MTR: variants seen among roughly 807,000 people sequenced by gnomAD.
The protein encoded by MTR is methionine synthase.
Under a neutral mutation model 154.8 loss-of-function variants are expected in MTR, and 84 were observed. The ratio of observed to expected loss-of-function variants is 0.54; its 90% CI spans 0.45 to 0.65. The LOEUF (loss-of-function observed/expected upper bound fraction) is 0.65, where lower values mean the gene tolerates loss of function less well. Ranked by LOEUF, MTR falls within the 30% of genes least tolerant of loss-of-function variation. MTR has a pLI of 0.00. For synonymous variants in MTR, 554 were observed against 553.9 expected, an observed-to-expected ratio of 1.00 and a Z score of 0.00; for missense variants, 1,275 against 1,570.2, an observed-to-expected ratio of 0.81 and a Z score of 3.18.
intron 27 of MTR, 74 bp downstream of exon 27, chr1:236,886,441 C>T: frequency 1.4e-6 from 2 of 1,420,536 alleles, no homozygotes; most frequent in Non-Finnish European, 2.0e-6. Flanking sequence ...CATGCATTTA[C>T]TTGGCTGCAA....
chr1:236,803,304 G>A, intron 1 of MTR, 124 bp from the exon 2 acceptor site: 1 of 955,280 alleles, frequency 1.0e-6, no homozygotes, highest in South Asian at 1.4e-5. Context: ...AGAGTTATGA[G>A]TGCATCTTTT....
Position 236,795,383 on chromosome 1 carries a change from C to G in MTR, c.-321C>G, listed in dbSNP as rs187186973. 4.3e-4 allele frequency: 607 copies of G among 1,403,430 alleles called. 5 individuals are homozygous for G. In the East Asian group the frequency reaches 0.014, roughly 33 times the overall value. The allele number at this position is 1,403,430 out of a possible 1,614,324, so 86.9% of individuals were successfully genotyped here. On this transcript the variant is annotated 5_prime_UTR_variant, in exon 1 of 33. Coordinates refer to ENST00000366577, the MANE Select transcript of MTR (RefSeq NM_000254.3). ...TCCTCTGCCGGTTTTCTCTTGGGTC[C>G]TTTTCCGTGCCGTCCCGCGACTCCG...
At chr1:236,803,282 G>A (rs1191546637) in intron 1 of MTR, 146 bp from the exon 2 acceptor site, 19 of 811,104 alleles carry the variant, frequency 2.3e-5, no homozygotes, top group East Asian at 5.3e-5. Flanking sequence ...TTTGGGCAGC[G>A]TTTTCCTATA....
intron 18 of MTR, among the ~76,000 whole-genome samples, chr1:236,858,675 A>G (rs566938938): frequency 4.6e-5 from 7 of 152,312 alleles, no homozygotes; most frequent in Non-Finnish European, 7.4e-5. Flanking sequence ...TGAAAATGGA[A>G]GCAGGGTGGA....
intron 15 of MTR, among the ~76,000 whole-genome samples, chr1:236,843,124 C>A (rs888588347): frequency 2.0e-5 from 3 of 150,478 alleles, no homozygotes. Context: ...TATATACACA[C>A]GTTGAATGGT....
At chr1:236,813,096 A>G (rs888742059) in intron 6 of MTR, among the ~76,000 whole-genome samples, 13 of 152,226 alleles carry the variant, frequency 8.5e-5, no homozygotes, top group African/African-American at 3.1e-4. Flanking sequence ...GTATAAATGC[A>G]TATATCCTGA....
intron 15 of MTR, among the ~76,000 whole-genome samples, chr1:236,839,318 A>G (rs777586541): frequency 3.3e-5 from 5 of 152,228 alleles, no homozygotes; most frequent in Non-Finnish European, 5.9e-5. Context: ...AAGAGTTTAT[A>G]TAAGTCAGAA....
intron 18 of MTR, among the ~76,000 whole-genome samples, chr1:236,858,055 G>A (rs1372525352): frequency 6.6e-6 from 1 of 152,204 alleles, no homozygotes; most frequent in Non-Finnish European, 1.5e-5. Context: ...ATAAGGAACA[G>A]AAGTGTTCTG....
chr1:236,827,192 A>G (rs1323648020), intron 11 of MTR, among the ~76,000 whole-genome samples: 12 of 152,222 alleles, frequency 7.9e-5, no homozygotes, highest in Admixed American at 7.2e-4. Context: ...AGGGAAGAAT[A>G]GCTATCTACA....
chr1:236,870,751 T>C (rs1665082155), intron 22 of MTR, among the ~76,000 whole-genome samples: 1 of 152,172 alleles, frequency 6.6e-6, no homozygotes, highest in Non-Finnish European at 1.5e-5. Context: ...TCTAAAGAAA[T>C]CTCAAATTTA....
chr1:236,901,464 C>T lies in MTR; in HGVS notation c.*3820C>T, dbSNP rs978735718. Reference sequence around the variant, plus strand: ...TTTAAAAACAATTATTTTAACCCAACTTCCAGGGAGACTGAATTTCTTCTG... The same window carrying T: ...TTTAAAAACAATTATTTTAACCCAATTTCCAGGGAGACTGAATTTCTTCTG... On this transcript the variant is annotated 3_prime_UTR_variant, in exon 33 of 33. Transcript: ENST00000366577. 3 of 146,588 alleles carry T rather than the reference C, an allele frequency of 2.0e-5. No individual in the cohort carries two copies. The highest frequency in any genetic ancestry group is 4.4e-5 in the Non-Finnish European group (3 of 68,022). 9.1% of individuals were successfully genotyped at this position (146,588 alleles called of 1,614,324 possible). A position where few individuals can be genotyped will look rare whatever the true frequency, so the allele number is the denominator to read the frequency against.
intron 27 of MTR, among the ~76,000 whole-genome samples, chr1:236,888,671 T>C (rs1489484614): frequency 6.6e-6 from 1 of 152,246 alleles, no homozygotes; most frequent in Non-Finnish European, 1.5e-5. Flanking sequence ...AAGTCCCACA[T>C]GTGTCCCTTC....
rs1190249714 is a variant in MTR at position 236,902,601 on chromosome 1, A to C, written c.*4957A>C. The C allele has an allele frequency of 1.3e-5, 2 of 152,132 alleles. No homozygotes were observed. The highest frequency in any genetic ancestry group is 2.9e-5 in the Non-Finnish European group (2 of 68,060). 9.4% of individuals were successfully genotyped at this position (152,132 alleles called of 1,614,324 possible). On this transcript the variant is annotated 3_prime_UTR_variant, in exon 33 of 33. Coordinates refer to ENST00000366577, the MANE Select transcript of MTR (RefSeq NM_000254.3). ...AGGGCAGGGGCCCTGCCTCTTCCTG[A>C]GCTCAGGATACCCAGAGCCTAGCTC...
chr1:236,831,681 C>T (rs1023678244), intron 12 of MTR, among the ~76,000 whole-genome samples: 1 of 152,106 alleles, frequency 6.6e-6, no homozygotes, highest in African/African-American at 2.4e-5. Flanking sequence ...CCTTTTTTCT[C>T]AGAGATGGTA....
rs142800533 is a variant in MTR, at chr1:236,891,427, C to T, written c.3204+98C>T. ...CATAAATGAGGGTCTGCTTCACCTC[C>T]TCCCAAATGACCAATCACATGCCCA... On this transcript the variant is annotated intron_variant, in intron 29 of 32. Coordinates refer to ENST00000366577, the MANE Select transcript of MTR (RefSeq NM_000254.3). 5.1e-4 allele frequency: 629 copies of T among 1,223,338 alleles called. 4 individuals are homozygous for T. The African/African-American group carries it at 7.6e-3, about 15-fold the overall frequency. The allele number at this position is 1,223,338 out of a possible 1,614,324, so 75.8% of individuals were successfully genotyped here.
chr1:236,883,649 A>G (rs1665872558), intron 25 of MTR, among the ~76,000 whole-genome samples: 1 of 152,176 alleles, frequency 6.6e-6, no homozygotes, highest in Non-Finnish European at 1.5e-5. Flanking sequence ...GTTTAATGTA[A>G]GGCTGGGGAA....
intron 20 of MTR, among the ~76,000 whole-genome samples, chr1:236,861,838 A>G (rs749323759): frequency 9.9e-5 from 15 of 152,160 alleles, no homozygotes; most frequent in Admixed American, 5.2e-4. Context: ...CCTTAATGTA[A>G]GACTGGATTT....
intron 8 of MTR, among the ~76,000 whole-genome samples, chr1:236,819,121 G>A (rs529331699): frequency 1.4e-4 from 21 of 152,276 alleles, no homozygotes; most frequent in African/African-American, 4.3e-4. Context: ...ATTAACTGAA[G>A]TCTGTAGTTT....
intron 5 of MTR, chr1:236,811,704 A>G (rs1282188174): frequency 2.2e-6 from 1 of 456,160 alleles, no homozygotes; most frequent in African/African-American, 2.0e-5. Context: ...GAAGTACGGT[A>G]AGTCTTCACT....
Sources: allele counts gnomAD v4.1 joint callset (sites outside exome capture counted in the v4.1 genomes callset), GRCh38; gene constraint gnomAD v4.1.1; transcripts MANE v1.5; gene names NCBI Gene and HGNC (gene_info 2026-07-23, HGNC 2026-07-21).